Variants in COL6A6 observed in about 807,000 individuals in gnomAD.
COL6A6 encodes the protein collagen alpha-6(VI) chain.
In COL6A6, 183 loss-of-function variants were observed where a neutral mutation model predicts 208.6. That is an observed-to-expected ratio of 0.88 (90% CI 0.78 to 0.99). The LOEUF is 0.99. COL6A6 is among the 50% of genes least tolerant of loss of function. The pLI is 0.00. For missense variants in COL6A6, 2,816 were observed against 2,815.2 expected, an observed-to-expected ratio of 1.00 and a Z score of -0.01; for synonymous variants, 973 against 1,011.8, an observed-to-expected ratio of 0.96 and a Z score of 0.73.
chr3:130,570,634 G>T (rs543332842), intron 6 of COL6A6, among the ~76,000 whole-genome samples, 184 bp from the exon 7 acceptor site: 20 of 152,254 alleles, frequency 1.3e-4, no homozygotes, highest in African/African-American at 4.1e-4. Flanking sequence ...ACCTAAGTGA[G>T]TATTAACTGT....
chr3:130,628,584 CT>C (rs1214196581), intron 26 of COL6A6, among the ~76,000 whole-genome samples: 16 of 152,124 alleles, frequency 1.1e-4, no homozygotes, highest in African/African-American at 3.6e-4. Context: ...TAATTATATA[CT>C]TTTTTATCCA....
chr3:130,587,609 G>T (rs1560031068), intron 11 of COL6A6, among the ~76,000 whole-genome samples: 1 of 152,218 alleles, frequency 6.6e-6, no homozygotes, highest in Non-Finnish European at 1.5e-5. Context: ...CAAGCTCTGT[G>T]TGGCTCTACT....
In COL6A6 at chr3:130,589,181, G is replaced by C. The variant is rs768507860; in HGVS notation, c.4217G>C (p.Arg1406Thr). The C allele has an allele frequency of 2.5e-6, 4 of 1,611,464 alleles. No homozygotes were observed. Among genetic ancestry groups the C allele is most frequent in the Non-Finnish European group, 3.4e-6 (4 of 1,177,624 alleles). The change falls in exon 12 of 37, where the codon AGG (arginine) becomes ACG (threonine). Residue 1406 changes from arginine (R) to threonine (T), a missense_variant and splice_region_variant. Physicochemically the swap from Arg to Thr is moderately conservative, Grantham distance 71 (BLOSUM62 -1). Coordinates refer to ENST00000358511, the MANE Select transcript of COL6A6 (RefSeq NM_001102608.3). ...TMGDPGPPGKRGPPGFKGSEG... is the reference protein window; with the variant it reads ...TMGDPGPPGKTGPPGFKGSEG... Reference sequence around the variant, plus strand: ...GGAGATCCTGGACCACCAGGGAAAAGGGTGATTTTAGCTCAGATTTATGGG... The same window carrying C: ...GGAGATCCTGGACCACCAGGGAAAACGGTGATTTTAGCTCAGATTTATGGG...
At chr3:130,541,079 A>G (rs1393890869) in intron 1 of COL6A6, among the ~76,000 whole-genome samples, 1 of 152,192 alleles carries the variant, frequency 6.6e-6, no homozygotes, top group Non-Finnish European at 1.5e-5. Flanking sequence ...GAGGAATCCA[A>G]TGTCCAGAAT....
In COL6A6 at chr3:130,599,729, G is replaced by A. The variant is rs183035329; in HGVS notation, c.4600-28G>A. On this transcript the variant is annotated intron_variant, in intron 19 of 36. Transcript: ENST00000358511. ...ACTCTGTCAATGCTGCATAATTACC[G>A]TCACACATCTGTCTGTTCCTTTGAC... is the stretch of plus-strand genomic sequence containing the variant. The A allele has an allele frequency of 1.1e-4, 175 of 1,612,576 alleles. No homozygotes were observed. The African/African-American group carries it at 1.1e-3, about 10-fold the overall frequency.
At position 130,568,469 on chromosome 3, in the gene COL6A6, G is replaced by A; in HGVS notation, c.2266G>A (p.Gly756Arg). The change falls in exon 6 of 37, where the codon GGA becomes AGA. Residue 756 changes from glycine to arginine, a missense_variant. By Grantham distance (125) the Gly-to-Arg change is moderately radical. Transcript: ENST00000358511. The stretch of plus-strand genomic sequence containing the variant: ...AGAAGGTGTAATCATCTATTCTGTG[G>A]GAGTGTTTGGCTCCAATGTCACCCA... ...RQEGVIIYSV[G>R]VFGSNVTQLE... 1 of 1,613,930 alleles carries A rather than the reference G, an allele frequency of 6.2e-7. No homozygotes were observed. Among genetic ancestry groups the A allele is most frequent in the South Asian group, 1.1e-5 (1 of 91,078 alleles).
At position 130,634,618 on chromosome 3, in the gene COL6A6, G is replaced by T; in HGVS notation, c.5021G>T (p.Gly1674Val). 6.2e-7 allele frequency: 1 copy of T among 1,607,608 alleles called. No individual in the cohort carries two copies. ...KGQEGFPGES[G>V]PKGEIGDPGG... ...CAAGAAGGATTCCCTGGAGAAAGTG[G>T]ACCTAAGGTACCGTGTGCTTCCTAG... Residue 1674 changes from glycine (G) to valine (V), a missense_variant, in exon 27 of 37, where the codon GGA (glycine) becomes GTA (valine). Coordinates refer to ENST00000358511, the MANE Select transcript of COL6A6 (RefSeq NM_001102608.3).
At chr3:130,619,275 C>A (rs541960313) in intron 23 of COL6A6, among the ~76,000 whole-genome samples, 1 of 152,200 alleles carries the variant, frequency 6.6e-6, no homozygotes, top group Admixed American at 6.5e-5. Flanking sequence ...TTTGAGTATT[C>A]TTCCTGAAAC....
chr3:130,592,502 C>G (rs769406283), intron 13 of COL6A6, 39 bp from the exon 14 acceptor site: 4 of 1,481,014 alleles, frequency 2.7e-6, no homozygotes, highest in Non-Finnish European at 2.8e-6. Flanking sequence ...TCTCAGATTA[C>G]AATAGAAAAA....
chr3:130,584,804 T>A lies in COL6A6; in HGVS notation c.3971-1702T>A, dbSNP rs185419335. Reference sequence around the variant, plus strand: ...TAATTTTTTGTATTTTCAGTAGAGATGGGGTTTCACTGTGTTAGCCAGGAT... The same window carrying A: ...TAATTTTTTGTATTTTCAGTAGAGAAGGGGTTTCACTGTGTTAGCCAGGAT... On this transcript the variant is annotated intron_variant, in intron 10 of 36. Coordinates refer to ENST00000358511, the MANE Select transcript of COL6A6 (RefSeq NM_001102608.3). 3.0e-3 allele frequency among the ~76,000 whole-genome samples: 453 copies of A among 151,862 alleles called. 1 individual carries two copies. Among genetic ancestry groups the A allele is most frequent in the Non-Finnish European group, 5.3e-3 (360 of 67,914 alleles).
At position 130,649,186 on chromosome 3, in the gene COL6A6, A is replaced by T. The variant is rs751514672; in HGVS notation, c.5357A>T (p.Asp1786Val). 3.1e-6 allele frequency: 5 copies of T among 1,595,436 alleles called. No homozygotes were observed. The highest frequency in any genetic ancestry group is 1.7e-4 in the Middle Eastern group (1 of 6,056). Residue 1786 changes from aspartate to valine, a missense_variant, in exon 33 of 37, where the codon GAC (aspartate) becomes GTC (valine). Asp to Val is a radical substitution (Grantham distance 152). Transcript: ENST00000358511. ...MKEMMAFLVR[D>V]IKVRENSCPV... is the part of the protein sequence containing the mutation. ...GAGATGATGGCTTTCCTGGTGAGAG[A>T]CATTAAGGTCCGGGAGAACAGCTGC... is the stretch of plus-strand genomic sequence containing the variant.
intron 1 of COL6A6, among the ~76,000 whole-genome samples, chr3:130,531,794 C>T (rs559425669): frequency 3.9e-5 from 6 of 152,268 alleles, no homozygotes; most frequent in South Asian, 2.1e-4. Context: ...TAGAGTCACT[C>T]GTTCTTGCTG....
chr3:130,604,465 A>G (rs1407500048), intron 20 of COL6A6, among the ~76,000 whole-genome samples: 1 of 150,764 alleles, frequency 6.6e-6, no homozygotes, highest in Admixed American at 6.6e-5. Context: ...ACTGCACTCC[A>G]GTCTGGGCGA....
chr3:130,548,230 G>C (rs1164225133), intron 1 of COL6A6, among the ~76,000 whole-genome samples: 1 of 152,188 alleles, frequency 6.6e-6, no homozygotes, highest in Non-Finnish European at 1.5e-5. Flanking sequence ...CTGGTAGCTG[G>C]ATGCAATGTG....
chr3:130,594,243 T>A (rs779322739), intron 17 of COL6A6, 38 bp from the exon 18 acceptor site: 2 of 1,445,844 alleles, frequency 1.4e-6, no homozygotes, highest in Admixed American at 1.7e-5. Context: ...TATTAAAACT[T>A]CTTGTCTTGT....
intron 33 of COL6A6, among the ~76,000 whole-genome samples, chr3:130,653,579 T>C (rs982149286): frequency 5.3e-5 from 8 of 152,188 alleles, no homozygotes; most frequent in African/African-American, 1.9e-4. Flanking sequence ...CATCTGTGAA[T>C]GTAATAGCTG....
intron 29 of COL6A6, among the ~76,000 whole-genome samples, chr3:130,642,544 G>C (rs1402749837): frequency 6.6e-6 from 1 of 152,132 alleles, no homozygotes; most frequent in Non-Finnish European, 1.5e-5. Flanking sequence ...CAGGTTGTCA[G>C]CTCCATCCTG....
At chr3:130,635,782 T>C in intron 28 of COL6A6, 21 bp downstream of exon 28, 1 of 1,584,804 alleles carries the variant, frequency 6.3e-7, no homozygotes. Flanking sequence ...TAGATTCCAA[T>C]TGCTGACAAC....
chr3:130,522,180 C>T (rs1438099262), intron 1 of COL6A6, among the ~76,000 whole-genome samples: 5 of 152,162 alleles, frequency 3.3e-5, no homozygotes, highest in Non-Finnish European at 1.5e-5. Flanking sequence ...TTGCTTTCCA[C>T]AGTGCAGAAC....
Sources: allele counts gnomAD v4.1 joint callset (sites outside exome capture counted in the v4.1 genomes callset), GRCh38; gene constraint gnomAD v4.1.1; transcripts MANE v1.5; gene names NCBI Gene and HGNC (gene_info 2026-07-23, HGNC 2026-07-21).